PARG: variants seen among roughly 807,000 people sequenced by gnomAD.
PARG encodes mitochondrial poly(ADP-ribose) glycohydrolase.
Under a neutral mutation model 113.0 loss-of-function variants are expected in PARG, and 35 were observed. The observed-to-expected ratio is 0.31, with a 90% confidence interval of 0.24 to 0.41. The LOEUF is 0.41. Among genes scored for constraint, PARG ranks in the 10% least tolerant of loss-of-function variants. The pLI is 1.00. For missense variants in PARG, 797 were observed against 1,169.4 expected, an observed-to-expected ratio of 0.68 and a Z score of 4.64; for synonymous variants, 330 against 409.9, an observed-to-expected ratio of 0.81 and a Z score of 2.36.
chr10:49,852,568 T>TC (rs1322724168), intron 13 of PARG, among the ~76,000 whole-genome samples: 3 of 144,484 alleles, frequency 2.1e-5, no homozygotes, highest in African/African-American at 5.1e-5. Context: ...TTCTTCTTCT[T>TC]TTTTTCTTTT....
At chr10:49,856,257 G>A (rs1270233767) in intron 13 of PARG, among the ~76,000 whole-genome samples, 3 of 151,256 alleles carry the variant, frequency 2.0e-5, no homozygotes, top group Admixed American at 1.3e-4. Context: ...TCAGCTCACT[G>A]CAACCTCTGC....
chr10:49,819,404 A>G lies in PARG; in HGVS notation c.2867T>C (p.Ile956Thr), dbSNP rs1564586747. 3.2e-6 allele frequency: 5 copies of G among 1,551,516 alleles called. No individual in the cohort carries two copies. Among genetic ancestry groups the G allele is most frequent in the South Asian group, 1.2e-5 (1 of 84,056 alleles). The stretch of plus-strand genomic sequence containing the variant: ...TGCACAGGACTCGACAGCATGGTAT[A>G]TGAATGGATAAAGCTTGATGTCTGG... ...PGPDIKLYPF[I>T]YHAVESCAET... Residue 956 changes from isoleucine to threonine, a missense_variant, in exon 18 of 18, where the codon ATA becomes ACA. Physicochemically the swap from Ile to Thr is moderately conservative, Grantham distance 89 (BLOSUM62 -1). This residue lies in a region of PARG where 194 missense variants were observed against 247.1 expected (regional missense o/e 0.79). Transcript: ENST00000616448.
chr10:49,884,257 G>A (rs1847353622), intron 8 of PARG, among the ~76,000 whole-genome samples: 2 of 152,176 alleles, frequency 1.3e-5, no homozygotes, highest in Non-Finnish European at 2.9e-5. Flanking sequence ...AATTTGTTAT[G>A]TAGCAATATA....
At chr10:49,905,120 T>C (rs1226855164) in intron 7 of PARG, among the ~76,000 whole-genome samples, 1 of 152,292 alleles carries the variant, frequency 6.6e-6, no homozygotes, top group Non-Finnish European at 1.5e-5. Context: ...GCTTTTCCTT[T>C]GAGATAACAA....
chr10:49,859,879 A>G (rs2813100), intron 12 of PARG, among the ~76,000 whole-genome samples: 31 of 151,928 alleles, frequency 2.0e-4, no homozygotes, highest in East Asian at 5.8e-4. Flanking sequence ...ACAGTTGAGA[A>G]ACCTGTTCCA....
intron 13 of PARG, among the ~76,000 whole-genome samples, chr10:49,849,591 G>A (rs1236099073): frequency 4.6e-5 from 7 of 152,138 alleles, no homozygotes; most frequent in African/African-American, 1.7e-4. Context: ...GTAGTCATAC[G>A]TCCAAACTTA....
At chr10:49,838,736 C>T (rs1845076797) in intron 15 of PARG, among the ~76,000 whole-genome samples, 1 of 152,072 alleles carries the variant, frequency 6.6e-6, no homozygotes, top group African/African-American at 2.4e-5. Flanking sequence ...AAAAACTCCA[C>T]CTGCATTTGA....
At chr10:49,921,028 A>G (rs1288391430) in intron 6 of PARG, among the ~76,000 whole-genome samples, 6 of 152,078 alleles carry the variant, frequency 3.9e-5, no homozygotes, top group African/African-American at 1.4e-4. Context: ...AGGTGTGGGA[A>G]GAATATATGG....
At chr10:49,925,562 C>G (rs1418898836) in intron 4 of PARG, among the ~76,000 whole-genome samples, 5 of 152,204 alleles carry the variant, frequency 3.3e-5, no homozygotes, top group African/African-American at 9.7e-5. Flanking sequence ...CTCAGATCTC[C>G]TGGGGCGGTG....
intron 7 of PARG, among the ~76,000 whole-genome samples, chr10:49,911,937 T>C: frequency 6.6e-6 from 1 of 152,232 alleles, no homozygotes; most frequent in Non-Finnish European, 1.5e-5. Flanking sequence ...CTTAATACGA[T>C]GTCAAATTTA....
intron 7 of PARG, among the ~76,000 whole-genome samples, chr10:49,913,711 T>G (rs868939055): frequency 6.6e-6 from 1 of 152,124 alleles, no homozygotes; most frequent in South Asian, 2.1e-4. Context: ...GGGACCAGCC[T>G]GGCCAACATG....
intron 13 of PARG, among the ~76,000 whole-genome samples, chr10:49,846,690 A>G (rs565820948): frequency 6.6e-6 from 1 of 152,262 alleles, no homozygotes; most frequent in African/African-American, 2.4e-5. Context: ...AGACTATAAT[A>G]TAGGCTGTGA....
intron 7 of PARG, among the ~76,000 whole-genome samples, chr10:49,911,638 T>C (rs1837190656): frequency 6.6e-6 from 1 of 152,244 alleles, no homozygotes; most frequent in African/African-American, 2.4e-5. Flanking sequence ...TCTGTGATCT[T>C]TGCTGGTTTC....
intron 3 of PARG, among the ~76,000 whole-genome samples, chr10:49,932,872 T>G (rs1461032073): frequency 2.0e-5 from 3 of 151,776 alleles, no homozygotes; most frequent in African/African-American, 7.3e-5. Flanking sequence ...TAGAAGAATG[T>G]CTGGCTGAAG....
chr10:49,884,444 C>G (rs1350390159), intron 8 of PARG, among the ~76,000 whole-genome samples: 55 of 152,268 alleles, frequency 3.6e-4, no homozygotes, highest in Non-Finnish European at 3.2e-4. Flanking sequence ...ACTAAAAGTA[C>G]AAAAAGTAGC....
chr10:49,880,530 A>G (rs1285550716), intron 8 of PARG, among the ~76,000 whole-genome samples: 1 of 152,176 alleles, frequency 6.6e-6, no homozygotes, highest in Non-Finnish European at 1.5e-5. Flanking sequence ...CTTACCTTTT[A>G]TTGTCAGTAT....
chr10:49,919,200 CA>C (rs1167785511), intron 6 of PARG, among the ~76,000 whole-genome samples: 1 of 152,192 alleles, frequency 6.6e-6, no homozygotes, highest in Non-Finnish European at 1.5e-5. Context: ...CTCGGCCTCC[CA>C]AAGTGCTGGG....
intron 7 of PARG, among the ~76,000 whole-genome samples, chr10:49,906,282 A>C (rs1228801290): frequency 1.3e-5 from 2 of 151,628 alleles, no homozygotes; most frequent in Admixed American, 6.6e-5. Flanking sequence ...ATGTCCAGCC[A>C]TGTGGTTCTA....
At chr10:49,927,047 G>A (rs1356026936) in intron 4 of PARG, among the ~76,000 whole-genome samples, 3 of 152,172 alleles carry the variant, frequency 2.0e-5, no homozygotes, top group East Asian at 3.9e-4. Context: ...GGTGGCTCAC[G>A]CCTGTAATCC....
Sources: allele counts gnomAD v4.1 joint callset (sites outside exome capture counted in the v4.1 genomes callset), GRCh38; gene constraint gnomAD v4.1.1; regional missense constraint gnomAD v4.1.1; transcripts MANE v1.5; gene names NCBI Gene and HGNC (gene_info 2026-07-23, HGNC 2026-07-21).